ST6GAL1: variants seen among roughly 807,000 people sequenced by gnomAD.
ST6GAL1 encodes the protein beta-galactoside alpha-2,6-sialyltransferase 1.
ST6GAL1 carries 20 observed loss-of-function variants against 38.0 expected under a neutral mutation model. That is an observed-to-expected ratio of 0.53 (90% CI 0.37 to 0.77). The LOEUF is 0.77. Ranked by LOEUF, ST6GAL1 falls within the 30% of genes least tolerant of loss-of-function variation. The probability of loss-of-function intolerance (pLI) is 0.00; values close to 1 mark genes in which losing one functional copy is unlikely to be tolerated. For synonymous variants in ST6GAL1, 196 were observed against 188.2 expected (o/e 1.04, Z -0.34); for missense variants, 432 against 496.4 (o/e 0.87, Z 1.23).
intron 2 of ST6GAL1, among the ~76,000 whole-genome samples, chr3:186,997,949 T>TA (rs1716476920): frequency 6.6e-6 from 1 of 151,766 alleles, no homozygotes; most frequent in Non-Finnish European, 1.5e-5. Context: ...ATAGACACAT[T>TA]AAAAAAGCAA....
intron 5 of ST6GAL1, among the ~76,000 whole-genome samples, chr3:187,065,821 C>T (rs1719087591): frequency 6.6e-6 from 1 of 152,046 alleles, no homozygotes; most frequent in African/African-American, 2.4e-5. Flanking sequence ...TTATATATAC[C>T]ATCTAAGGGT....
intron 2 of ST6GAL1, among the ~76,000 whole-genome samples, chr3:187,001,989 C>G (rs889120679): frequency 8.8e-5 from 13 of 148,152 alleles, no homozygotes; most frequent in African/African-American, 3.3e-4. Context: ...ACAAAACAAA[C>G]AAACAATGTT....
chr3:186,984,738 CCT>C (rs1715814323), intron 2 of ST6GAL1, among the ~76,000 whole-genome samples: 1 of 66,910 alleles, frequency 1.5e-5, no homozygotes, highest in Non-Finnish European at 3.1e-5. Flanking sequence ...TTCCTTCCTT[CCT>C]TCCCTCCCTC....
chr3:187,008,218 C>G (rs1307655718), intron 2 of ST6GAL1, among the ~76,000 whole-genome samples: 1 of 151,868 alleles, frequency 6.6e-6, no homozygotes. Flanking sequence ...AATAACAACT[C>G]CTCAGCCACC....
intron 2 of ST6GAL1, among the ~76,000 whole-genome samples, chr3:186,985,473 C>G (rs557537619): frequency 9.6e-4 from 145 of 151,662 alleles, no homozygotes; most frequent in Non-Finnish European, 1.2e-3. Context: ...GTGCAGGTCT[C>G]TAAAAGTTTT....
intron 6 of ST6GAL1, chr3:187,073,954 C>A: frequency 2.3e-6 from 1 of 442,326 alleles, no homozygotes; most frequent in Non-Finnish European, 3.9e-6. Flanking sequence ...AAAGCACAGG[C>A]TATAGGCTAG....
At chr3:187,063,910 G>GTTT (rs895316202) in intron 5 of ST6GAL1, among the ~76,000 whole-genome samples, 1 of 151,192 alleles carries the variant, frequency 6.6e-6, no homozygotes, top group African/African-American at 2.4e-5. Flanking sequence ...ACTATCCAGG[G>GTTT]TTTTTTTTTA....
chr3:186,988,765 T>C (rs1165351181), intron 2 of ST6GAL1, among the ~76,000 whole-genome samples: 1 of 151,896 alleles, frequency 6.6e-6, no homozygotes, highest in Non-Finnish European at 1.5e-5. Context: ...ATTACAAAAA[T>C]TAGCTGGAGG....
intron 4 of ST6GAL1, 102 bp from the exon 5 acceptor site, chr3:187,051,147 G>C (rs1257662724): frequency 9.1e-6 from 9 of 986,498 alleles, no homozygotes; most frequent in African/African-American, 1.6e-5. Flanking sequence ...GTAAAGATGG[G>C]GAAGCATTAT....
intron 2 of ST6GAL1, among the ~76,000 whole-genome samples, chr3:187,023,325 C>T (rs567948219): frequency 6.6e-6 from 1 of 152,304 alleles, no homozygotes; most frequent in East Asian, 1.9e-4. Context: ...CAAAGCACCA[C>T]GGATTTATGT....
At chr3:186,987,056 G>C (rs555711427) in intron 2 of ST6GAL1, among the ~76,000 whole-genome samples, 84 of 151,850 alleles carry the variant, frequency 5.5e-4, no homozygotes, top group Non-Finnish European at 5.9e-4. Flanking sequence ...ATGTCCTGGG[G>C]GAAAACAGAA....
At chr3:186,943,743 C>T (rs906151356) in intron 1 of ST6GAL1, among the ~76,000 whole-genome samples, 3 of 152,212 alleles carry the variant, frequency 2.0e-5, no homozygotes, top group Non-Finnish European at 4.4e-5. Context: ...CCACCATGCC[C>T]GGCCTATTAT....
chr3:187,069,670 T>A (rs973300984), intron 5 of ST6GAL1, among the ~76,000 whole-genome samples: 4 of 152,214 alleles, frequency 2.6e-5, no homozygotes, highest in African/African-American at 9.7e-5. Context: ...CTTCCTTACT[T>A]AAAACCCTTT....
At chr3:187,054,610 G>C (rs781709175) in intron 5 of ST6GAL1, among the ~76,000 whole-genome samples, 1 of 152,152 alleles carries the variant, frequency 6.6e-6, no homozygotes, top group Non-Finnish European at 1.5e-5. Context: ...TTACTGATTT[G>C]CATATGTTGA....
chr3:186,997,730 C>T (rs901399454), intron 2 of ST6GAL1, among the ~76,000 whole-genome samples: 2 of 150,696 alleles, frequency 1.3e-5, no homozygotes, highest in Admixed American at 6.6e-5. Context: ...GCGCTCCAGC[C>T]TAGGACAGAG....
At chr3:186,942,526 A>G (rs1714213797) in intron 1 of ST6GAL1, 2 of 151,660 alleles carry the variant, frequency 1.3e-5, no homozygotes, top group African/African-American at 2.4e-5. Flanking sequence ...TAATTTTAGG[A>G]ATGCTGTACC....
At chr3:186,994,271 C>G (rs1011360354) in intron 2 of ST6GAL1, among the ~76,000 whole-genome samples, 1 of 152,242 alleles carries the variant, frequency 6.6e-6, no homozygotes, top group Non-Finnish European at 1.5e-5. Context: ...AATTCGAGTT[C>G]TCTCAGTCTC....
rs189557516 is a variant in ST6GAL1, at chr3:186,942,955, G to A, written c.-325+12121G>A. Among the ~76,000 whole-genome samples, 411 of 152,274 alleles carry A rather than the reference G, an allele frequency of 2.7e-3. 1 individual carries two copies. Among genetic ancestry groups the A allele is most frequent in the Middle Eastern group, 6.8e-3 (2 of 294 alleles). On this transcript the variant is annotated intron_variant, in intron 1 of 7. Transcript: ENST00000169298. The stretch of plus-strand genomic sequence containing the variant: ...TCACCTCAGGTGATCCACCGACCTC[G>A]GCCTCCCAAAGTGCTGGGATCACAG...
intron 2 of ST6GAL1, among the ~76,000 whole-genome samples, chr3:187,012,605 G>A (rs554031581): frequency 1.5e-4 from 23 of 152,276 alleles, no homozygotes; most frequent in African/African-American, 5.5e-4. Context: ...CTGGGCCCAG[G>A]CTAACAGATG....
Sources: allele counts gnomAD v4.1 joint callset (sites outside exome capture counted in the v4.1 genomes callset), GRCh38; gene constraint gnomAD v4.1.1; transcripts MANE v1.5; gene names NCBI Gene and HGNC (gene_info 2026-07-23, HGNC 2026-07-21).